CACNA2D4: variants seen among roughly 807,000 people sequenced by gnomAD.
CACNA2D4 encodes voltage-dependent calcium channel subunit alpha-2/delta-4.
In CACNA2D4, 157 loss-of-function variants were observed where a neutral mutation model predicts 163.8. The ratio of observed to expected loss-of-function variants is 0.96; its 90% CI spans 0.84 to 1.09. The LOEUF (loss-of-function observed/expected upper bound fraction) is 1.09, where lower values mean the gene tolerates loss of function less well. Ranked by LOEUF, CACNA2D4 falls within the 50% of genes least tolerant of loss-of-function variation. The pLI is 0.00. For synonymous variants in CACNA2D4, 598 were observed against 586.9 expected, an observed-to-expected ratio of 1.02 and a Z score of -0.27; for missense variants, 1,410 against 1,479.9, an observed-to-expected ratio of 0.95 and a Z score of 0.78.
intron 2 of CACNA2D4, among the ~76,000 whole-genome samples, chr12:1,913,667 G>A (rs779009231): frequency 6.6e-5 from 10 of 152,236 alleles, no homozygotes; most frequent in Non-Finnish European, 1.2e-4. Context: ...AGGCACTGAG[G>A]ATGGCTGCCT....
chr12:1,915,177 A>G (rs1238612974), intron 1 of CACNA2D4: 2 of 702,594 alleles, frequency 2.8e-6, no homozygotes, highest in Non-Finnish European at 5.2e-6. Context: ...ATGCCCAGAA[A>G]CACACAAAAG....
intron 26 of CACNA2D4, chr12:1,827,807 T>C (rs1864409540): frequency 3.4e-6 from 1 of 298,216 alleles, no homozygotes; most frequent in Admixed American, 5.2e-5. Flanking sequence ...AGAAGGCAGA[T>C]GAGGCTGGGT....
At chr12:1,905,597 T>C (rs1322931673) in intron 6 of CACNA2D4, among the ~76,000 whole-genome samples, 1 of 151,344 alleles carries the variant, frequency 6.6e-6, no homozygotes, top group Non-Finnish European at 1.5e-5. Context: ...AAATCCTATT[T>C]ATGATAACAT....
At chr12:1,901,383 C>A (rs1592745110) in intron 6 of CACNA2D4, among the ~76,000 whole-genome samples, 1 of 150,850 alleles carries the variant, frequency 6.6e-6, no homozygotes, top group Admixed American at 6.6e-5. Flanking sequence ...GATAAAAAAA[C>A]CCAAAGATCA....
At chr12:1,881,723 C>G (rs769032058) in intron 13 of CACNA2D4, among the ~76,000 whole-genome samples, 1 of 152,220 alleles carries the variant, frequency 6.6e-6, no homozygotes, top group Non-Finnish European at 1.5e-5. Flanking sequence ...GAGAGCCCTG[C>G]CCAAAGGCAG....
intron 26 of CACNA2D4, among the ~76,000 whole-genome samples, chr12:1,840,084 A>T (rs1864977704): frequency 6.6e-6 from 1 of 152,158 alleles, no homozygotes; most frequent in Non-Finnish European, 1.5e-5. Flanking sequence ...AGTAAAGCGC[A>T]CTCTGGTTGA....
rs530191701 is a variant in CACNA2D4, at chr12:1,906,104, T to C, written c.781+1336A>G. ...GAAAGGCAGTCTTTTCAACAAAAGG[T>C]GCTGGGGCAACTGTATATCCACATG... On this transcript the variant is annotated intron_variant, in intron 6 of 37. Coordinates refer to ENST00000382722, the MANE Select transcript of CACNA2D4 (RefSeq NM_172364.5). 6.6e-5 allele frequency among the ~76,000 whole-genome samples: 10 copies of C among 152,270 alleles called. No homozygotes were observed. In the East Asian group the frequency reaches 1.7e-3, roughly 26 times the overall value.
Position 1,869,170 on chromosome 12 carries a change from T to C in CACNA2D4, c.1878+5434A>G, listed in dbSNP as rs1865717699. ...ATAATGATTTTGTACTGTGTCAAAT[T>C]AGCTAAGCTGGAACTACACTTCCAG... On this transcript the variant is annotated intron_variant, in intron 18 of 37. Transcript: ENST00000382722. This position sits in a 1 kb window ranked among gnomAD's most constrained non-coding sequence, Gnocchi z 4.7. 6.6e-6 allele frequency among the ~76,000 whole-genome samples: 1 copy of C among 152,214 alleles called. No individual in the cohort carries two copies.
intron 6 of CACNA2D4, among the ~76,000 whole-genome samples, chr12:1,896,624 C>T (rs1252726945): frequency 1.4e-5 from 2 of 141,698 alleles, no homozygotes; most frequent in South Asian, 4.2e-4. Flanking sequence ...CACACACACA[C>T]ACACACACAC....
Position 1,826,411 on chromosome 12 carries a change from C to CGT in CACNA2D4, c.2551+14327_2551+14328insAC, listed in dbSNP as rs1555177866. ...GATTTGAACCCAGAGCCCCCCCCCC[C>CGT]CCCCCGCCAACTGGCACCAGGAGCC... On this transcript the variant is annotated intron_variant, in intron 26 of 37. Coordinates refer to ENST00000382722, the MANE Select transcript of CACNA2D4 (RefSeq NM_172364.5). 4.7e-4 allele frequency among the ~76,000 whole-genome samples: 48 copies of CGT among 102,684 alleles called. 2 individuals are homozygous for CGT. The highest frequency in any genetic ancestry group is 2.0e-3 in the African/African-American group (45 of 22,814). 67.4% of individuals were successfully genotyped at this position (102,684 alleles called of 152,430 possible).
At chr12:1,796,067 T>C (rs1438602354) in intron 35 of CACNA2D4, 1 of 375,674 alleles carries the variant, frequency 2.7e-6, no homozygotes, top group Non-Finnish European at 4.9e-6. Context: ...TATTAATATA[T>C]GCAGGGACGA....
At chr12:1,905,455 C>T (rs1866636561) in intron 6 of CACNA2D4, among the ~76,000 whole-genome samples, 1 of 151,794 alleles carries the variant, frequency 6.6e-6, no homozygotes, top group African/African-American at 2.4e-5. Flanking sequence ...TGTAGAATGC[C>T]CTAAAGATTC....
chr12:1,811,856 A>T, intron 26 of CACNA2D4, 133 bp from the exon 27 acceptor site: 3 of 764,082 alleles, frequency 3.9e-6, no homozygotes, highest in Non-Finnish European at 6.5e-6. Flanking sequence ...GGACTGAGTC[A>T]GAGGGCAGAG....
At position 1,875,576 on chromosome 12, in the gene CACNA2D4, C is replaced by T. The variant is rs1180362676; in HGVS notation, c.1720-239G>A. 6.6e-6 allele frequency among the ~76,000 whole-genome samples: 1 copy of T among 152,168 alleles called. No individual in the cohort carries two copies. On this transcript the variant is annotated intron_variant, in intron 16 of 37. Transcript: ENST00000382722. The surrounding 1 kb of genome is among the most constrained non-coding windows in gnomAD (Gnocchi z 4.0). ...AGTGAATCTTCCCCATGGCAGGGAG[C>T]TCCCTATCTCGTGGGTCAGCTTGTT...
intron 18 of CACNA2D4, among the ~76,000 whole-genome samples, chr12:1,870,525 AAG>A (rs1260998837): frequency 6.6e-6 from 1 of 151,796 alleles, no homozygotes; most frequent in Non-Finnish European, 1.5e-5. Flanking sequence ...CTTTGGGAAA[AAG>A]AGCCATCAAA....
At chr12:1,904,338 T>A (rs1259441113) in intron 6 of CACNA2D4, among the ~76,000 whole-genome samples, 1 of 152,034 alleles carries the variant, frequency 6.6e-6, no homozygotes, top group Non-Finnish European at 1.5e-5. Flanking sequence ...AGTAATAATT[T>A]AATTTTACAT....
chr12:1,831,078 C>T, intron 26 of CACNA2D4: 1 of 1,614,030 alleles, frequency 6.2e-7, no homozygotes, highest in Non-Finnish European at 8.5e-7. Context: ...CGCAGCCACC[C>T]GAACCCTCTT....
In CACNA2D4 at chr12:1,875,366, A is replaced by T. The variant is rs747042836; in HGVS notation, c.1720-29T>A. 1.4e-6 allele frequency: 2 copies of T among 1,442,746 alleles called. No individual in the cohort carries two copies. The highest frequency in any genetic ancestry group is 1.7e-5 in the Admixed American group (1 of 59,780). The allele number at this position is 1,442,746 out of a possible 1,614,324, so 89.4% of individuals were successfully genotyped here. A position where few individuals can be genotyped will look rare whatever the true frequency, so the allele number is the denominator to read the frequency against. ...GAGTGGGCAGGTCAGGAAGAAAAAC[A>T]TGTGGTCAGTATACGTCCTGCTCAA... On this transcript the variant is annotated intron_variant, in intron 16 of 37. Coordinates refer to ENST00000382722, the MANE Select transcript of CACNA2D4 (RefSeq NM_172364.5). The surrounding 1 kb of genome is among the most constrained non-coding windows in gnomAD (Gnocchi z 4.0).
At chr12:1,898,574 A>AC (rs1866459496) in intron 6 of CACNA2D4, among the ~76,000 whole-genome samples, 1 of 63,358 alleles carries the variant, frequency 1.6e-5, no homozygotes, top group African/African-American at 5.0e-5. Context: ...AACTAAAAAA[A>AC]AACTAAACAA....
Sources: gnomAD v4.1 joint callset for allele counts (sites outside exome capture counted in the v4.1 genomes callset) on GRCh38, gnomAD v4.1.1 for gene constraint, Gnocchi (gnomAD v3.1) non-coding constraint, MANE v1.5 for transcripts, NCBI Gene and HGNC (gene_info 2026-07-23, HGNC 2026-07-21) for gene names.